XKR9: variants seen among roughly 807,000 people sequenced by gnomAD.
XKR9 encodes XK-related protein 9.
A neutral mutation model predicts 32.0 loss-of-function variants in XKR9; 32 were observed. The ratio of observed to expected loss-of-function variants is 1.00; its 90% confidence interval spans 0.76 to 1.34. XKR9 has a LOEUF of 1.34. Among genes scored for constraint, XKR9 ranks in the 40% most tolerant of loss-of-function variants. The pLI, the probability that XKR9 is intolerant of heterozygous loss-of-function variation, is 0.00. For missense variants in XKR9, 546 were observed against 429.7 expected (o/e 1.27, Z -2.39); for synonymous variants, 168 against 143.4 (o/e 1.17, Z -1.22).
At chr8:70,760,842 T>C (rs1178405875) in intron 2 of XKR9, among the ~76,000 whole-genome samples, 9 of 152,186 alleles carry the variant, frequency 5.9e-5, no homozygotes, top group Non-Finnish European at 2.9e-5. Flanking sequence ...ATTGGTTATT[T>C]TTCCTGATCC....
chr8:70,785,247 C>A (rs934220858), intron 2 of XKR9, among the ~76,000 whole-genome samples: 1 of 151,714 alleles, frequency 6.6e-6, no homozygotes, highest in African/African-American at 2.4e-5. Context: ...AGATTTTATG[C>A]GTCTAGGAAT....
At chr8:70,943,039 A>G in the XKR9 span, among the ~76,000 whole-genome samples, 3 of 149,356 alleles carry the variant, frequency 2.0e-5, no homozygotes, top group Non-Finnish European at 4.5e-5. Context: ...CAGCCTAAAA[A>G]TTTATGAAAA....
intron 2 of XKR9, among the ~76,000 whole-genome samples, chr8:70,780,072 A>G (rs925111638): frequency 6.6e-6 from 1 of 150,496 alleles, no homozygotes; most frequent in Admixed American, 6.6e-5. Context: ...GATTTTTCCT[A>G]TTTCTCTTGT....
chr8:70,788,230 T>C (rs770913896), intron 2 of XKR9, among the ~76,000 whole-genome samples: 1 of 152,202 alleles, frequency 6.6e-6, no homozygotes, highest in African/African-American at 2.4e-5. Flanking sequence ...ATGGGGTTAG[T>C]GTACATGAAT....
chr8:70,705,804 G>T (rs1422402463), intron 3 of XKR9, among the ~76,000 whole-genome samples: 1 of 151,970 alleles, frequency 6.6e-6, no homozygotes, highest in East Asian at 1.9e-4. Flanking sequence ...GCTTATATGG[G>T]GAGCAAGAGT....
intron 4 of XKR9, among the ~76,000 whole-genome samples, chr8:70,725,773 G>T (rs13269410): frequency 0.33 from 50,131 of 151,768 alleles, 9,400 homozygotes; most frequent in Non-Finnish European, 0.43. Context: ...GGGCATGGTA[G>T]TGGTCGCCTG....
chr8:70,871,248 A>T, the XKR9 span, among the ~76,000 whole-genome samples: 1 of 152,182 alleles, frequency 6.6e-6, no homozygotes, highest in Non-Finnish European at 1.5e-5. Context: ...GGTGAAGAAG[A>T]TAAAGAGATA....
the XKR9 span, among the ~76,000 whole-genome samples, chr8:71,013,267 C>A: frequency 6.6e-6 from 1 of 152,120 alleles, no homozygotes; most frequent in Admixed American, 6.5e-5. Context: ...TGTGGGGTTT[C>A]TGCAGAGCCA....
At chr8:70,944,577 C>T in the XKR9 span, among the ~76,000 whole-genome samples, 1 of 152,056 alleles carries the variant, frequency 6.6e-6, no homozygotes, top group Non-Finnish European at 1.5e-5. Flanking sequence ...AGCTTATATC[C>T]TATAGGGAGC....
intron 2 of XKR9, among the ~76,000 whole-genome samples, chr8:70,785,365 A>T (rs1440296319): frequency 6.6e-6 from 1 of 151,786 alleles, no homozygotes; most frequent in Non-Finnish European, 1.5e-5. Context: ...CTCCTCTTTC[A>T]TTTCTGATTT....
At chr8:70,675,162 C>T (rs534782378) in intron 2 of XKR9, among the ~76,000 whole-genome samples, 2 of 152,222 alleles carry the variant, frequency 1.3e-5, no homozygotes, top group African/African-American at 4.8e-5. Flanking sequence ...TGCAGTTGCC[C>T]ATTCTTGTAA....
At chr8:70,805,932 C>A in the XKR9 span, among the ~76,000 whole-genome samples, 1 of 152,174 alleles carries the variant, frequency 6.6e-6, no homozygotes, top group East Asian at 1.9e-4. Context: ...GGGTCCTGTT[C>A]CCCGTGCCAC....
At chr8:70,887,354 T>C in the XKR9 span, among the ~76,000 whole-genome samples, 134 of 152,212 alleles carry the variant, frequency 8.8e-4, no homozygotes, top group African/African-American at 3.2e-3. Context: ...AGTCAGGCAG[T>C]GTGATGCCTC....
At chr8:70,975,851 A>G in the XKR9 span, among the ~76,000 whole-genome samples, 3 of 151,960 alleles carry the variant, frequency 2.0e-5, no homozygotes, top group Non-Finnish European at 2.9e-5. Context: ...CATTTTCACG[A>G]TATTGATTCT....
chr8:70,733,666 T>A (rs1806746930), intron 4 of XKR9, 130 bp from the exon 5 acceptor site: 3 of 885,432 alleles, frequency 3.4e-6, no homozygotes, highest in Non-Finnish European at 4.7e-6. Context: ...TTCAAAAGAT[T>A]AGATGAGAAG....
At chr8:70,857,945 A>G in the XKR9 span, among the ~76,000 whole-genome samples, 4 of 152,206 alleles carry the variant, frequency 2.6e-5, no homozygotes, top group Non-Finnish European at 4.4e-5. Context: ...TCAATAAATT[A>G]GGTATTGATG....
At chr8:70,722,852 G>A (rs187967288) in intron 4 of XKR9, among the ~76,000 whole-genome samples, 3 of 152,136 alleles carry the variant, frequency 2.0e-5, no homozygotes, top group Non-Finnish European at 2.9e-5. Context: ...GTCTTGCTAG[G>A]TTGGGGAAGT....
the XKR9 span, among the ~76,000 whole-genome samples, chr8:70,846,083 C>A: frequency 2.0e-5 from 3 of 152,184 alleles, no homozygotes; most frequent in East Asian, 1.9e-4. Flanking sequence ...AGGGAGCCCC[C>A]ATCAGGTGAA....
At chr8:71,043,116 C>A in the XKR9 span, among the ~76,000 whole-genome samples, 1 of 152,170 alleles carries the variant, frequency 6.6e-6, no homozygotes, top group Admixed American at 6.5e-5. Context: ...GAACATTGAG[C>A]TGATGACCAG....
Sources: gnomAD v4.1 joint callset for allele counts (sites outside exome capture counted in the v4.1 genomes callset) on GRCh38, gnomAD v4.1.1 for gene constraint, MANE v1.5 for transcripts, NCBI Gene and HGNC (gene_info 2026-07-23, HGNC 2026-07-21) for gene names.